The following SMIM10L3 variants were observed in gnomAD, a reference collection of about 807,000 sequenced individuals.
SMIM10L3 encodes small integral membrane protein 10 like 3.
the SMIM10L3 span, among the ~76,000 whole-genome samples, chr7:6,336,897 G>A: frequency 4.6e-5 from 7 of 151,426 alleles, no homozygotes; most frequent in African/African-American, 7.3e-5. Context: ...CAAGTGATCC[G>A]CCCACCTCAG....
the SMIM10L3 span, among the ~76,000 whole-genome samples, chr7:6,332,167 G>T: frequency 2.0e-5 from 3 of 151,054 alleles, no homozygotes; most frequent in Admixed American, 6.6e-5. Context: ...AAAATAACAT[G>T]ACTGGGCATG....
the SMIM10L3 span, among the ~76,000 whole-genome samples, chr7:6,343,028 C>T: frequency 1.4e-4 from 18 of 132,304 alleles, no homozygotes; most frequent in South Asian, 8.2e-4. Flanking sequence ...CAGAGGAAGA[C>T]GCTTTCTCAA....
chr7:6,330,773 G>A, the SMIM10L3 span: 8 of 1,614,056 alleles, frequency 5.0e-6, no homozygotes, highest in Admixed American at 8.3e-5. Context: ...AGCCAGTCTC[G>A]CCGCCCCAGA....
At chr7:6,337,096 G>C in the SMIM10L3 span, among the ~76,000 whole-genome samples, 2 of 148,100 alleles carry the variant, frequency 1.4e-5, no homozygotes, top group Non-Finnish European at 3.0e-5. Flanking sequence ...TGAGACAAGA[G>C]TCTCTCTCTG....
the SMIM10L3 span, among the ~76,000 whole-genome samples, chr7:6,334,060 A>C: frequency 6.6e-6 from 1 of 150,670 alleles, no homozygotes; most frequent in Admixed American, 6.6e-5. Flanking sequence ...GTTAGCCAGG[A>C]TGGAATCTAT....
chr7:6,334,783 A>G, the SMIM10L3 span, among the ~76,000 whole-genome samples: 1 of 136,048 alleles, frequency 7.4e-6, no homozygotes, highest in Admixed American at 7.6e-5. Flanking sequence ...TTAGTTAGTT[A>G]TTTTGAAATG....
the SMIM10L3 span, among the ~76,000 whole-genome samples, chr7:6,337,560 T>A: frequency 6.6e-6 from 1 of 151,702 alleles, no homozygotes. Context: ...TAGAATTGTG[T>A]TAAAGTACTT....
At chr7:6,348,487 A>G in the SMIM10L3 span, 1 of 409,682 alleles carries the variant, frequency 2.4e-6, no homozygotes. Context: ...GCTTCTAGGC[A>G]GTGGCAGCTG....
At chr7:6,347,826 G>C in the SMIM10L3 span, among the ~76,000 whole-genome samples, 1 of 151,134 alleles carries the variant, frequency 6.6e-6, no homozygotes, top group Non-Finnish European at 1.5e-5. Flanking sequence ...GGCCAAGATG[G>C]GAGGATCTCT....
the SMIM10L3 span, chr7:6,330,723 C>G: frequency 6.2e-7 from 1 of 1,614,046 alleles, no homozygotes; most frequent in African/African-American, 1.3e-5. Context: ...CTTTGGGGCA[C>G]TGTCCTCTGT....
chr7:6,346,180 A>C, the SMIM10L3 span, among the ~76,000 whole-genome samples: 1 of 152,062 alleles, frequency 6.6e-6, no homozygotes. Context: ...GAAGGTGGTA[A>C]CTGGGGAGGG....
the SMIM10L3 span, among the ~76,000 whole-genome samples, chr7:6,339,490 GT>G: frequency 6.6e-4 from 97 of 145,952 alleles, 1 homozygote; most frequent in Middle Eastern, 3.5e-3. Flanking sequence ...CCCTTTTTTT[GT>G]TTTTTTTTTT....
chr7:6,343,617 T>C, the SMIM10L3 span, among the ~76,000 whole-genome samples: 3 of 151,790 alleles, frequency 2.0e-5, no homozygotes, highest in Non-Finnish European at 2.9e-5. Flanking sequence ...AGATTCTGTA[T>C]AAATAAGAAG....
the SMIM10L3 span, among the ~76,000 whole-genome samples, chr7:6,346,390 A>C: frequency 6.6e-6 from 1 of 152,092 alleles, no homozygotes. Context: ...CTTACTTGAG[A>C]CAGAATCTTA....
chr7:6,344,192 G>C, the SMIM10L3 span, among the ~76,000 whole-genome samples: 1 of 150,452 alleles, frequency 6.6e-6, no homozygotes, highest in Non-Finnish European at 1.5e-5. Flanking sequence ...TATTCCTTCA[G>C]ATTCTATTTC....
At chr7:6,343,415 T>TG in the SMIM10L3 span, among the ~76,000 whole-genome samples, 3 of 56,274 alleles carry the variant, frequency 5.3e-5, no homozygotes, top group African/African-American at 1.8e-4. Flanking sequence ...TATATATATA[T>TG]ATATATATAT....
At chr7:6,339,251 T>G in the SMIM10L3 span, among the ~76,000 whole-genome samples, 9 of 152,210 alleles carry the variant, frequency 5.9e-5, no homozygotes, top group Admixed American at 2.0e-4. Flanking sequence ...GGAGATCACT[T>G]GAGCCTAGGA....
the SMIM10L3 span, among the ~76,000 whole-genome samples, chr7:6,345,957 T>G: frequency 6.6e-6 from 1 of 151,910 alleles, no homozygotes; most frequent in South Asian, 2.1e-4. Context: ...TTAGTAGAGA[T>G]GGGGTTTTGC....
At chr7:6,347,883 T>TTTTTTA in the SMIM10L3 span, among the ~76,000 whole-genome samples, 5 of 131,538 alleles carry the variant, frequency 3.8e-5, no homozygotes, top group African/African-American at 5.6e-5. Context: ...ACGAGACCCC[T>TTTTTTA]TTATTATTAT....
Sources: gnomAD v4.1 joint callset for allele counts (sites outside exome capture counted in the v4.1 genomes callset) on GRCh38, gnomAD v4.1.1 for gene constraint, MANE v1.5 for transcripts, NCBI Gene and HGNC (gene_info 2026-07-23, HGNC 2026-07-21) for gene names.